PKNOX2: variants seen among roughly 807,000 people sequenced by gnomAD.
PKNOX2 encodes homeobox protein PKNOX2.
A neutral mutation model predicts 53.1 loss-of-function variants in PKNOX2; 14 were observed. The ratio of observed to expected loss-of-function variants is 0.26; its 90% CI spans 0.17 to 0.41. The LOEUF (loss-of-function observed/expected upper bound fraction) is 0.41, where lower values mean the gene tolerates loss of function less well. Among genes scored for constraint, PKNOX2 ranks in the 10% least tolerant of loss-of-function variants. The probability of loss-of-function intolerance (pLI) is 1.00; values close to 1 mark genes in which losing one functional copy is unlikely to be tolerated. For synonymous variants in PKNOX2, 257 were observed against 242.8 expected (o/e 1.06, Z -0.54); for missense variants, 496 against 602.8 (o/e 0.82, Z 1.85).
chr11:125,354,645 A>C (rs1178173044), intron 4 of PKNOX2, among the ~76,000 whole-genome samples: 1 of 152,260 alleles, frequency 6.6e-6, no homozygotes, highest in Non-Finnish European at 1.5e-5. Context: ...AGGAATCTGC[A>C]TTAAAAAATT....
chr11:125,386,208 C>T (rs1565512913), intron 6 of PKNOX2, among the ~76,000 whole-genome samples: 2 of 152,204 alleles, frequency 1.3e-5, no homozygotes, highest in Non-Finnish European at 2.9e-5. Context: ...CAGTGGAGGA[C>T]CTGTTCATTC....
At chr11:125,185,556 C>T (rs902546201) in intron 1 of PKNOX2, among the ~76,000 whole-genome samples, 13 of 151,696 alleles carry the variant, frequency 8.6e-5, no homozygotes, top group African/African-American at 3.2e-4. Flanking sequence ...CTTTCTATCT[C>T]TATGAATTTG....
intron 3 of PKNOX2, among the ~76,000 whole-genome samples, chr11:125,343,546 T>C (rs1950818551): frequency 1.3e-5 from 2 of 152,190 alleles, no homozygotes; most frequent in Admixed American, 1.3e-4. Flanking sequence ...ATTTATGGGA[T>C]TGATTCTCAG....
rs992957845 is a variant in PKNOX2 at position 125,171,020 on chromosome 11, G to A, written c.-201+6244G>A. Among the ~76,000 whole-genome samples the A allele has an allele frequency of 3.7e-3, 242 of 65,578 alleles. 1 individual carries two copies. The highest frequency in any genetic ancestry group is 0.012 in the African/African-American group (222 of 18,004). 43.0% of individuals were successfully genotyped at this position (65,578 alleles called of 152,430 possible). A position where few individuals can be genotyped will look rare whatever the true frequency, so the allele number is the denominator to read the frequency against. On this transcript the variant is annotated intron_variant, in intron 1 of 12. Transcript: ENST00000298282. ...CCAGATCCAGATGGGCCAGAAAGCG[G>A]CCACAGAAGCAGCAGGTCACAGGGC...
At chr11:125,210,789 C>A (rs949606348) in intron 1 of PKNOX2, among the ~76,000 whole-genome samples, 2 of 152,094 alleles carry the variant, frequency 1.3e-5, no homozygotes, top group Admixed American at 6.5e-5. Flanking sequence ...TCAAATTCCA[C>A]TGGGCAGAGT....
intron 10 of PKNOX2, among the ~76,000 whole-genome samples, chr11:125,423,861 A>G (rs908777243): frequency 6.6e-6 from 1 of 152,224 alleles, no homozygotes; most frequent in Non-Finnish European, 1.5e-5. Flanking sequence ...CCAGAGGGAA[A>G]GAGAATAGTT....
intron 1 of PKNOX2, among the ~76,000 whole-genome samples, chr11:125,185,377 T>C (rs534686146): frequency 6.6e-6 from 1 of 152,344 alleles, no homozygotes; most frequent in East Asian, 1.9e-4. Flanking sequence ...ATGCATAACA[T>C]AAAATTTGCC....
At chr11:125,167,978 G>T (rs2135170616) in intron 1 of PKNOX2, among the ~76,000 whole-genome samples, 1 of 152,330 alleles carries the variant, frequency 6.6e-6, no homozygotes, top group Non-Finnish European at 1.5e-5. Context: ...GGCTTTCACT[G>T]AGTCTGCCTT....
At chr11:125,290,021 A>G (rs1469027374) in intron 2 of PKNOX2, among the ~76,000 whole-genome samples, 1 of 152,176 alleles carries the variant, frequency 6.6e-6, no homozygotes, top group Non-Finnish European at 1.5e-5. Flanking sequence ...TCCCACCCCC[A>G]GCATGAAAGA....
rs527661299 is a variant in PKNOX2 at position 125,370,300 on chromosome 11, C to A, written c.227+2315C>A. Among the ~76,000 whole-genome samples the A allele has an allele frequency of 1.5e-4, 23 of 152,186 alleles. No individual in the cohort carries two copies. Among genetic ancestry groups the A allele is most frequent in the Non-Finnish European group, 3.4e-4 (23 of 68,024 alleles). ...TTTACTCTGTCCCACCAATGGGAAC[C>A]ATGGGTTCCAAAGCCCTTCTCACAA... On this transcript the variant is annotated intron_variant, in intron 5 of 12. Transcript: ENST00000298282. The surrounding 1 kb of genome is among the most constrained non-coding windows in gnomAD (Gnocchi z 4.1).
At chr11:125,212,053 G>A (rs771232621) in intron 1 of PKNOX2, among the ~76,000 whole-genome samples, 6 of 152,112 alleles carry the variant, frequency 3.9e-5, no homozygotes, top group Non-Finnish European at 7.4e-5. Flanking sequence ...TGTTCTACCT[G>A]TAAGAGCTCC....
chr11:125,199,955 T>C (rs556406983), intron 1 of PKNOX2, among the ~76,000 whole-genome samples: 9 of 152,378 alleles, frequency 5.9e-5, no homozygotes, highest in Non-Finnish European at 1.0e-4. Context: ...GAATGAACCC[T>C]GGTCTTGCAG....
At chr11:125,375,471 C>A (rs897975913) in intron 5 of PKNOX2, among the ~76,000 whole-genome samples, 1 of 152,188 alleles carries the variant, frequency 6.6e-6, no homozygotes, top group African/African-American at 2.4e-5. Flanking sequence ...GAGGGGAGAG[C>A]ACACGATTTG....
intron 4 of PKNOX2, among the ~76,000 whole-genome samples, chr11:125,364,268 G>A (rs1952070118): frequency 6.6e-6 from 1 of 152,200 alleles, no homozygotes; most frequent in South Asian, 2.1e-4. Flanking sequence ...TGCAGGAAAT[G>A]CAGAGTTTGC....
intron 1 of PKNOX2, among the ~76,000 whole-genome samples, chr11:125,191,596 C>T (rs1172308517): frequency 6.6e-6 from 1 of 152,116 alleles, no homozygotes; most frequent in Admixed American, 6.5e-5. Flanking sequence ...CCAGTGCCTC[C>T]GGCGAGCATC....
At chr11:125,271,296 G>A (rs1945772996) in intron 2 of PKNOX2, among the ~76,000 whole-genome samples, 1 of 152,178 alleles carries the variant, frequency 6.6e-6, no homozygotes, top group Admixed American at 6.5e-5. Context: ...TTTAGAAAAT[G>A]GGCTTTCATC....
chr11:125,428,438 A>C (rs1295284877), intron 10 of PKNOX2, among the ~76,000 whole-genome samples: 1 of 152,176 alleles, frequency 6.6e-6, no homozygotes, highest in Non-Finnish European at 1.5e-5. Context: ...GATGTGCTTT[A>C]TTAAATAAAA....
chr11:125,245,727 A>C (rs764932683), intron 2 of PKNOX2, among the ~76,000 whole-genome samples: 5 of 152,156 alleles, frequency 3.3e-5, no homozygotes, highest in Non-Finnish European at 5.9e-5. Flanking sequence ...GCAGGGAGCA[A>C]AAGGAAAAGA....
chr11:125,173,232 G>A (rs35660695), intron 1 of PKNOX2, among the ~76,000 whole-genome samples: 116 of 152,182 alleles, frequency 7.6e-4, no homozygotes, highest in African/African-American at 2.7e-3. Flanking sequence ...TTAGTCTTCT[G>A]TCCTAATAAA....
Sources: allele counts gnomAD v4.1 joint callset (sites outside exome capture counted in the v4.1 genomes callset), GRCh38; gene constraint gnomAD v4.1.1; non-coding constraint Gnocchi (gnomAD v3.1); transcripts MANE v1.5; gene names NCBI Gene and HGNC (gene_info 2026-07-23, HGNC 2026-07-21).